The following SCN9A variants were observed in gnomAD, a reference collection of about 807,000 sequenced individuals.
SCN9A encodes sodium voltage-gated channel alpha subunit 9, also known as sodium channel protein type 9 subunit alpha.
In SCN9A, 131 loss-of-function variants were observed where a neutral mutation model predicts 187.0. The ratio of observed to expected loss-of-function variants is 0.70; its 90% CI spans 0.61 to 0.81. The LOEUF is 0.81. Among genes scored for constraint, SCN9A ranks in the 30% least tolerant of loss-of-function variants. SCN9A has a pLI of 0.00. For missense variants in SCN9A, 2,252 were observed against 2,396.6 expected (o/e 0.94, Z 1.26); for synonymous variants, 809 against 808.6 (o/e 1.00, Z -0.01).
chr2:166,276,166 TA>T (rs952738166), intron 16 of SCN9A, among the ~76,000 whole-genome samples: 4 of 149,878 alleles, frequency 2.7e-5, no homozygotes, highest in East Asian at 2.0e-4. Context: ...AGAAAAAAAA[TA>T]AAAAAAAAGT....
chr2:166,271,514 G>A (rs1037194660), intron 17 of SCN9A, among the ~76,000 whole-genome samples: 5 of 152,026 alleles, frequency 3.3e-5, no homozygotes, highest in Non-Finnish European at 5.9e-5. Flanking sequence ...GCTGGTCAAA[G>A]CTGGTTAGGG....
intron 16 of SCN9A, among the ~76,000 whole-genome samples, chr2:166,273,854 A>G (rs1697111562): frequency 6.6e-6 from 1 of 152,148 alleles, no homozygotes; most frequent in Non-Finnish European, 1.5e-5. Flanking sequence ...CTCATCCCTC[A>G]TTTTGGTCAT....
intron 1 of SCN9A, among the ~76,000 whole-genome samples, chr2:166,343,329 G>A (rs572978709): frequency 9.3e-4 from 142 of 151,890 alleles, no homozygotes; most frequent in African/African-American, 3.3e-3. Context: ...TATAGAACTA[G>A]GAATGCTTGT....
At chr2:166,274,198 A>G (rs1488438728) in intron 16 of SCN9A, among the ~76,000 whole-genome samples, 2 of 152,162 alleles carry the variant, frequency 1.3e-5, no homozygotes, top group Non-Finnish European at 2.9e-5. Context: ...TTCGTTGAGA[A>G]CAGCTGCTGT....
intron 12 of SCN9A, among the ~76,000 whole-genome samples, chr2:166,283,669 A>G (rs1311567978): frequency 6.6e-6 from 1 of 152,102 alleles, no homozygotes; most frequent in African/African-American, 2.4e-5. Context: ...CATTTCAGAT[A>G]TTTTGTTTTG....
chr2:166,268,936 CT>C (rs565968031), intron 17 of SCN9A, among the ~76,000 whole-genome samples: 63 of 151,856 alleles, frequency 4.1e-4, no homozygotes, highest in African/African-American at 1.4e-3. Context: ...ACAACAAACA[CT>C]TTTTTTAAAA....
intron 19 of SCN9A, among the ~76,000 whole-genome samples, chr2:166,239,020 C>T (rs769689921): frequency 2.6e-5 from 4 of 152,156 alleles, no homozygotes; most frequent in Non-Finnish European, 5.9e-5. Flanking sequence ...TTGGTTATCA[C>T]TCATTTACTC....
Position 166,220,857 on chromosome 2 carries a change from T to C in SCN9A, c.4398+5710A>G, listed in dbSNP as rs183180036. On this transcript the variant is annotated intron_variant, in intron 24 of 26. Coordinates refer to ENST00000642356, the MANE Select transcript of SCN9A (RefSeq NM_001365536.1). The stretch of plus-strand genomic sequence containing the variant: ...AAAACAAGTAAAAGACATCCCAATC[T>C]GAAAGAAAAAAGTGTTTACAGATGA... 7.0e-3 allele frequency among the ~76,000 whole-genome samples: 1,068 copies of C among 152,042 alleles called. 18 individuals are homozygous for C. The highest frequency in any genetic ancestry group is 0.025 in the African/African-American group (1,025 of 41,488).
intron 18 of SCN9A, among the ~76,000 whole-genome samples, chr2:166,247,423 A>T (rs967030977): frequency 3.9e-5 from 6 of 152,162 alleles, no homozygotes; most frequent in African/African-American, 1.4e-4. Flanking sequence ...ATTAATTATT[A>T]GTTATTTTAT....
intron 1 of SCN9A, among the ~76,000 whole-genome samples, chr2:166,366,008 T>G (rs1700405932): frequency 1.3e-5 from 2 of 152,066 alleles, no homozygotes; most frequent in Non-Finnish European, 2.9e-5. Flanking sequence ...AGGAGTGAGG[T>G]TGTGAGTTCT....
chr2:166,301,984 G>A (rs1698573858), intron 7 of SCN9A: 1 of 150,702 alleles, frequency 6.6e-6, no homozygotes, highest in East Asian at 1.9e-4. Flanking sequence ...TTACCATGTG[G>A]GCTAGGTGTT....
intron 25 of SCN9A, 38 bp from the exon 26 acceptor site, chr2:166,204,263 A>G: frequency 6.3e-7 from 1 of 1,588,224 alleles, no homozygotes; most frequent in Non-Finnish European, 8.6e-7. Context: ...TGCAGAGTAA[A>G]CTTTTCAAGT....
chr2:166,322,171 A>T (rs13427940), intron 1 of SCN9A, among the ~76,000 whole-genome samples: 104,235 of 150,432 alleles, frequency 0.69, 36,897 homozygotes, highest in African/African-American at 0.86. Context: ...ACACTTTTTT[A>T]AAAAAAATTT....
At chr2:166,371,755 A>T (rs924892117) in intron 1 of SCN9A, among the ~76,000 whole-genome samples, 1 of 152,186 alleles carries the variant, frequency 6.6e-6, no homozygotes, top group East Asian at 1.9e-4. Flanking sequence ...CTAATTTGTG[A>T]TGTGTAATAT....
At chr2:166,235,022 ACT>A (rs944608712) in intron 20 of SCN9A, among the ~76,000 whole-genome samples, 2 of 151,840 alleles carry the variant, frequency 1.3e-5, no homozygotes, top group Non-Finnish European at 2.9e-5. Flanking sequence ...CTGCCTTGGG[ACT>A]CTCTGGTGTG....
chr2:166,313,008 T>TTAAATAATATAGTTATTATTTTTCTG (rs138488726), intron 1 of SCN9A, among the ~76,000 whole-genome samples: 1 of 120,070 alleles, frequency 8.3e-6, no homozygotes, highest in African/African-American at 2.8e-5. Flanking sequence ...ATTTTCTGAA[T>TTAAATAATATAGTTATTATTTTTCTG]AATTAAATAA....
intron 17 of SCN9A, among the ~76,000 whole-genome samples, chr2:166,266,041 T>C (rs568746780): frequency 9.9e-5 from 15 of 152,164 alleles, no homozygotes; most frequent in African/African-American, 3.6e-4. Context: ...TTGTTTGCCT[T>C]GCTGTGCAGA....
chr2:166,201,909 T>A (rs928134069), intron 26 of SCN9A, among the ~76,000 whole-genome samples: 1 of 147,816 alleles, frequency 6.8e-6, no homozygotes, highest in African/African-American at 2.5e-5. Flanking sequence ...TTTATTTGCA[T>A]TTTTTGTGAA....
At chr2:166,344,160 G>A (rs533481144) in intron 1 of SCN9A, among the ~76,000 whole-genome samples, 34 of 152,090 alleles carry the variant, frequency 2.2e-4, no homozygotes, top group Admixed American at 2.6e-4. Context: ...AAAAAGAAAA[G>A]TACTTAATTG....
Sources: gnomAD v4.1 joint callset for allele counts (sites outside exome capture counted in the v4.1 genomes callset) on GRCh38, gnomAD v4.1.1 for gene constraint, MANE v1.5 for transcripts, NCBI Gene and HGNC (gene_info 2026-07-23, HGNC 2026-07-21) for gene names.